KMT2C: variants seen among roughly 807,000 people sequenced by gnomAD.
KMT2C encodes lysine methyltransferase 2C.
A neutral mutation model predicts 507.9 loss-of-function variants in KMT2C; 88 were observed. The observed-to-expected ratio is 0.17, with a 90% CI of 0.15 to 0.21. KMT2C has a LOEUF of 0.21. KMT2C is among the 10% of genes least tolerant of loss of function. The pLI, the probability that KMT2C is intolerant of heterozygous loss-of-function variation, is 1.00. For missense variants in KMT2C, 4,954 were observed against 5,957.8 expected, an observed-to-expected ratio of 0.83 and a Z score of 5.55; for synonymous variants, 2,049 against 2,080.8, an observed-to-expected ratio of 0.98 and a Z score of 0.42.
At position 152,182,025 on chromosome 7, in the gene KMT2C, C is replaced by T. The variant is rs1349449226; in HGVS notation, c.5835G>A (p.Arg1945=). Residue 1945 remains arginine, a synonymous_variant, in exon 36 of 59, where the codon AGG becomes AGA. Coordinates refer to ENST00000262189, the MANE Select transcript of KMT2C (RefSeq NM_170606.3). ...PLQMNETTAN[R]PSPVRDLCSS... ...AACATAAATCTCTGACAGGGGATGG[C>T]CTATTTGCTGTTGTCTCATTCATTT... 1.2e-6 allele frequency: 2 copies of T among 1,614,078 alleles called. No homozygotes were observed. The highest frequency in any genetic ancestry group is 2.7e-5 in the African/African-American group (2 of 75,014).
At chr7:152,223,770 A>G (rs1189609469) in intron 20 of KMT2C, among the ~76,000 whole-genome samples, 2 of 152,146 alleles carry the variant, frequency 1.3e-5, no homozygotes, top group African/African-American at 4.8e-5. Context: ...ACTGCACTCC[A>G]GCCTGGTGAC....
chr7:152,357,465 G>C (rs935813778), intron 2 of KMT2C, among the ~76,000 whole-genome samples: 1 of 152,112 alleles, frequency 6.6e-6, no homozygotes, highest in African/African-American at 2.4e-5. Context: ...CCAGGAGGCA[G>C]AGCTTGCAGT....
rs1383515958 is a variant in KMT2C at position 152,162,810 on chromosome 7, G to A, written c.10767C>T (p.Leu3589=). Residue 3589 remains leucine (L), a synonymous_variant, in exon 43 of 59, where the codon CTC becomes CTT. Transcript: ENST00000262189. The part of the protein sequence containing the change: ...GHSYPGSTQS[L]IQLYSDIIPE... Reference sequence around the variant, plus strand: ...GGATTATATCAGAATACAACTGAATGAGCGATTGGGTTGATCCCGGATAAC... The same window carrying A: ...GGATTATATCAGAATACAACTGAATAAGCGATTGGGTTGATCCCGGATAAC... The A allele has an allele frequency of 3.1e-6, 5 of 1,614,072 alleles. No individual in the cohort carries two copies. The East Asian group carries it at 8.9e-5, about 29-fold the overall frequency.
At chr7:152,171,144 C>T (rs934486075) in intron 40 of KMT2C, 120 bp downstream of exon 40, 5 of 532,350 alleles carry the variant, frequency 9.4e-6, no homozygotes, top group East Asian at 3.4e-5. Context: ...TGGTGAAATC[C>T]GCATTTACTT....
chr7:152,377,764 G>A (rs917091144), intron 1 of KMT2C, among the ~76,000 whole-genome samples: 1 of 150,498 alleles, frequency 6.6e-6, no homozygotes. Flanking sequence ...AGTGATTCCT[G>A]TAGTAGATTT....
chr7:152,167,267 T>G lies in KMT2C; in HGVS notation c.9629A>C (p.Lys3210Thr). 6.2e-7 allele frequency: 1 copy of G among 1,614,092 alleles called. No homozygotes were observed. The highest frequency in any genetic ancestry group is 8.5e-7 in the Non-Finnish European group (1 of 1,179,988). Residue 3210 changes from lysine to threonine, a missense_variant, in exon 42 of 59, where the codon AAG (lysine) becomes ACG (threonine). Physicochemically the swap from Lys to Thr is moderately conservative, Grantham distance 78. This residue lies in a region of KMT2C where 71 missense variants were observed against 139.2 expected (regional missense o/e 0.51). Coordinates refer to ENST00000262189, the MANE Select transcript of KMT2C (RefSeq NM_170606.3). ...AGTACGTTGTTTAGCTGAAAGGGCCTTCTTAGATTTTCTGTGAGCACCAAT... is the reference window on the plus strand; with the variant it reads ...AGTACGTTGTTTAGCTGAAAGGGCCGTCTTAGATTTTCTGTGAGCACCAAT... Reference protein sequence around the residue: ...EQIGAHRKSKKALSAKQRTAK... With the variant: ...EQIGAHRKSKTALSAKQRTAK...
At chr7:152,236,578 AT>A (rs901694164) in intron 15 of KMT2C, among the ~76,000 whole-genome samples, 2 of 152,218 alleles carry the variant, frequency 1.3e-5, no homozygotes, top group African/African-American at 4.8e-5. Flanking sequence ...GTGTAACAGT[AT>A]TCTTCCTCTC....
At chr7:152,422,850 C>A (rs921931316) in intron 1 of KMT2C, among the ~76,000 whole-genome samples, 2 of 151,632 alleles carry the variant, frequency 1.3e-5, no homozygotes, top group Admixed American at 6.6e-5. Context: ...GGTGAAACCC[C>A]GTCTCTAATA....
In KMT2C at chr7:152,223,599, T is replaced by G. The variant is rs796123221; in HGVS notation, c.3323+416A>C. ...AAAGATGGTCAAAAGATGGAGACCA[T>G]CCTGGCCAACATGGTGAAACCCTGT... On this transcript the variant is annotated intron_variant, in intron 20 of 58. Coordinates refer to ENST00000262189, the MANE Select transcript of KMT2C (RefSeq NM_170606.3). Among the ~76,000 whole-genome samples the G allele has an allele frequency of 2.8e-4, 43 of 152,000 alleles. No individual in the cohort carries two copies. The East Asian group carries it at 6.4e-3, about 23-fold the overall frequency.
chr7:152,367,843 T>C (rs1054456757), intron 1 of KMT2C: 7 of 977,796 alleles, frequency 7.2e-6, no homozygotes, highest in African/African-American at 3.2e-5. Flanking sequence ...TTATACTTCA[T>C]TGCTCCTTCA....
intron 3 of KMT2C, among the ~76,000 whole-genome samples, chr7:152,323,978 A>G (rs2096799496): frequency 6.6e-6 from 1 of 151,856 alleles, no homozygotes; most frequent in Non-Finnish European, 1.5e-5. Context: ...GAATCTAAAA[A>G]AGTTGAACTA....
intron 46 of KMT2C, among the ~76,000 whole-genome samples, chr7:152,155,701 T>C (rs1310924415): frequency 6.6e-6 from 1 of 152,232 alleles, no homozygotes; most frequent in Non-Finnish European, 1.5e-5. Flanking sequence ...TTTAACTCTC[T>C]ATATGATGTA....
chr7:152,255,157 A>ATATATGTGTG (rs767823858), intron 9 of KMT2C, among the ~76,000 whole-genome samples: 3 of 128,376 alleles, frequency 2.3e-5, no homozygotes, highest in African/African-American at 9.1e-5. Flanking sequence ...ATATATATAT[A>ATATATGTGTG]TGTGTGTGTG....
intron 41 of KMT2C, among the ~76,000 whole-genome samples, chr7:152,168,734 C>T (rs1587873193): frequency 6.6e-6 from 1 of 152,148 alleles, no homozygotes; most frequent in Non-Finnish European, 1.5e-5. Flanking sequence ...CTGCAAATAA[C>T]TAGAAAGGAT....
chr7:152,277,545 C>G (rs1262376760), intron 6 of KMT2C, among the ~76,000 whole-genome samples: 1 of 152,120 alleles, frequency 6.6e-6, no homozygotes, highest in Non-Finnish European at 1.5e-5. Flanking sequence ...TATCACTGTT[C>G]CACTTATTTC....
Position 152,177,650 on chromosome 7 carries a change from G to A in KMT2C, c.7803C>T (p.Gly2601=). The A allele has an allele frequency of 6.2e-7, 1 of 1,614,144 alleles. No individual in the cohort carries two copies. The highest frequency in any genetic ancestry group is 8.5e-7 in the Non-Finnish European group (1 of 1,180,026). The change falls in exon 38 of 59, where the codon GGC becomes GGT. Residue 2601 remains glycine, a synonymous_variant. Transcript: ENST00000262189. ...GNFIPRPDFP[G]PRHTDPMRRP... ...GTCGCATGGGGTCTGTGTGTCTAGG[G>A]CCCGGAAAGTCTGGCCGGGGAATGA... is the stretch of plus-strand genomic sequence containing the variant.
chr7:152,372,890 A>G (rs1484833823), intron 1 of KMT2C, among the ~76,000 whole-genome samples: 1 of 152,244 alleles, frequency 6.6e-6, no homozygotes, highest in Non-Finnish European at 1.5e-5. Flanking sequence ...CATTCTAGCC[A>G]ACAGCAGCTG....
chr7:152,423,865 A>G (rs2097794074), intron 1 of KMT2C, among the ~76,000 whole-genome samples: 1 of 152,162 alleles, frequency 6.6e-6, no homozygotes, highest in South Asian at 2.1e-4. Flanking sequence ...AAATAAATAA[A>G]TAAACTATAT....
chr7:152,215,688 T>TATATATATAC lies in KMT2C; in HGVS notation c.3712+4834_3712+4835insGTATATATAT, dbSNP rs766518165. The stretch of plus-strand genomic sequence containing the variant: ...ACAAAAGGAACAAAATATATATATA[T>TATATATATAC]ACACACACACATACACACACAAAAT... On this transcript the variant is annotated intron_variant, in intron 23 of 58. Coordinates refer to ENST00000262189, the MANE Select transcript of KMT2C (RefSeq NM_170606.3). Among the ~76,000 whole-genome samples the TATATATATAC allele has an allele frequency of 6.2e-4, 84 of 134,430 alleles. 6 individuals are homozygous for TATATATATAC. The highest frequency in any genetic ancestry group is 2.8e-3 in the African/African-American group (82 of 29,598). The allele number at this position is 134,430 out of a possible 152,430, so 88.2% of individuals were successfully genotyped here.
Sources: gnomAD v4.1 joint callset for allele counts (sites outside exome capture counted in the v4.1 genomes callset) on GRCh38, gnomAD v4.1.1 for gene constraint, gnomAD v4.1.1 regional missense constraint, MANE v1.5 for transcripts, NCBI Gene and HGNC (gene_info 2026-07-23, HGNC 2026-07-21) for gene names.